Variants in SLC7A9 observed in about 807,000 individuals in gnomAD.
The protein encoded by SLC7A9 is B(0,+)-type amino acid transporter 1.
In SLC7A9, 38 loss-of-function variants were observed where a neutral mutation model predicts 54.1. The observed-to-expected ratio is 0.70, with a 90% CI of 0.54 to 0.92. SLC7A9 has a LOEUF of 0.92. Among genes scored for constraint, SLC7A9 ranks in the 40% least tolerant of loss-of-function variants. The pLI is 0.00. For missense variants in SLC7A9, 537 were observed against 636.1 expected (o/e 0.84, Z 1.68); for synonymous variants, 264 against 258.9 (o/e 1.02, Z -0.19).
intron 7 of SLC7A9, 120 bp from the exon 8 acceptor site, chr19:32,860,084 C>T (rs751704699): frequency 6.3e-7 from 1 of 1,582,676 alleles, no homozygotes; most frequent in Non-Finnish European, 8.6e-7. Flanking sequence ...CCAGCAGGAA[C>T]ATAAGACATT....
chr19:32,854,241 A>G (rs1478923717), intron 9 of SLC7A9, among the ~76,000 whole-genome samples: 1 of 151,822 alleles, frequency 6.6e-6, no homozygotes, highest in Admixed American at 6.6e-5. Context: ...TCTCTAACCC[A>G]TGGGCTCAAG....
rs1340353829 is a variant in SLC7A9 at position 32,842,200 on chromosome 19, A to G, written c.1192T>C (p.Phe398Leu). 1.2e-6 allele frequency: 2 copies of G among 1,614,136 alleles called. No homozygotes were observed. Among genetic ancestry groups the G allele is most frequent in the Non-Finnish European group, 1.7e-6 (2 of 1,180,030 alleles). ...GGCCTTTCCAGCTCTTTCCTTGTAA[A>G]TCTCATCACGATGAGTCCTAGAATC... Reference protein sequence around the residue: ...LTILGLIVMRFTRKELERPIK... With the variant: ...LTILGLIVMRLTRKELERPIK... The change falls in exon 11 of 13, where the codon TTT (phenylalanine) becomes CTT (leucine). Residue 398 changes from phenylalanine (F) to leucine (L), a missense_variant. Phe to Leu is a conservative substitution (Grantham distance 22, BLOSUM62 0). Coordinates refer to ENST00000023064, the MANE Select transcript of SLC7A9 (RefSeq NM_014270.5).
At chr19:32,849,306 A>C (rs1968394648) in intron 9 of SLC7A9, among the ~76,000 whole-genome samples, 1 of 152,192 alleles carries the variant, frequency 6.6e-6, no homozygotes, top group Admixed American at 6.5e-5. Flanking sequence ...AGAAGAAAAG[A>C]GATAAGAATC....
chr19:32,852,436 G>C (rs1057271454), intron 9 of SLC7A9, among the ~76,000 whole-genome samples: 1 of 152,118 alleles, frequency 6.6e-6, no homozygotes, highest in Non-Finnish European at 1.5e-5. Flanking sequence ...TGAGGCTGCA[G>C]TGAGCCATGA....
chr19:32,844,894 A>G lies in SLC7A9; in HGVS notation c.978-943T>C, dbSNP rs540966608. Among the ~76,000 whole-genome samples, 50 of 127,586 alleles carry G rather than the reference A, an allele frequency of 3.9e-4. 1 individual carries two copies. The highest frequency in any genetic ancestry group is 1.5e-3 in the African/African-American group (50 of 33,422). The allele number at this position is 127,586 out of a possible 152,430, so 83.7% of individuals were successfully genotyped here. On this transcript the variant is annotated intron_variant, in intron 9 of 12. Coordinates refer to ENST00000023064, the MANE Select transcript of SLC7A9 (RefSeq NM_014270.5). ...AAAAAAAAAAAAAAAGCCAGATGTGATGGCTTACACCTGTAATCCCAGCAA... is the reference window on the plus strand; with the variant it reads ...AAAAAAAAAAAAAAAGCCAGATGTGGTGGCTTACACCTGTAATCCCAGCAA...
At position 32,845,980 on chromosome 19, in the gene SLC7A9, G is replaced by A. The variant is rs111279058; in HGVS notation, c.978-2029C>T. Among the ~76,000 whole-genome samples, 5 of 152,310 alleles carry A rather than the reference G, an allele frequency of 3.3e-5. 1 individual carries two copies. Among genetic ancestry groups the A allele is most frequent in the African/African-American group, 1.2e-4 (5 of 41,566 alleles). Reference sequence around the variant, plus strand: ...GATTGCACCACTGTACTCTAGCCTGGATGACAGAGTGAGACTCTGTCTCAA... The same window carrying A: ...GATTGCACCACTGTACTCTAGCCTGAATGACAGAGTGAGACTCTGTCTCAA... On this transcript the variant is annotated intron_variant, in intron 9 of 12. Coordinates refer to ENST00000023064, the MANE Select transcript of SLC7A9 (RefSeq NM_014270.5).
At chr19:32,849,204 T>G (rs1189118129) in intron 9 of SLC7A9, among the ~76,000 whole-genome samples, 153 of 151,002 alleles carry the variant, frequency 1.0e-3, no homozygotes, top group African/African-American at 2.7e-3. Flanking sequence ...CTGAAGGAAA[T>G]AGAGACACAA....
At position 32,868,549 on chromosome 19, in the gene SLC7A9, G is replaced by T; in HGVS notation, c.-15C>A. 6.2e-7 allele frequency: 1 copy of T among 1,608,140 alleles called. No homozygotes were observed. The highest frequency in any genetic ancestry group is 8.5e-7 in the Non-Finnish European group (1 of 1,174,560). ...GTATCCCCCATGTTTCCTCCTGCTG[G>T]TTCCAGGAGACTGCAAGGAGGGCGC... is the stretch of plus-strand genomic sequence containing the variant. On this transcript the variant is annotated 5_prime_UTR_variant, in exon 2 of 13. Coordinates refer to ENST00000023064, the MANE Select transcript of SLC7A9 (RefSeq NM_014270.5).
intron 9 of SLC7A9, among the ~76,000 whole-genome samples, chr19:32,845,446 G>A (rs1428111598): frequency 9.3e-5 from 14 of 151,280 alleles, no homozygotes; most frequent in Admixed American, 8.6e-4. Flanking sequence ...AGTGAGCCGA[G>A]ATCTCACCAT....
chr19:32,865,281 T>G (rs185834616), intron 2 of SLC7A9, among the ~76,000 whole-genome samples: 9 of 152,294 alleles, frequency 5.9e-5, no homozygotes, highest in Admixed American at 3.3e-4. Flanking sequence ...CTTTCTGTGG[T>G]GCCATTTTCT....
chr19:32,831,410 C>G (rs1226345275), intron 12 of SLC7A9: 1 of 152,188 alleles, frequency 6.6e-6, no homozygotes, highest in African/African-American at 2.4e-5. Context: ...CCTCAGCCTC[C>G]TGAGTAGCTG....
At chr19:32,849,711 T>G (rs559180792) in intron 9 of SLC7A9, among the ~76,000 whole-genome samples, 5 of 147,398 alleles carry the variant, frequency 3.4e-5, no homozygotes, top group East Asian at 2.0e-4. Flanking sequence ...TACCAAAGCC[T>G]GGCAGAGACA....
At chr19:32,867,359 G>C (rs914347339) in intron 2 of SLC7A9, among the ~76,000 whole-genome samples, 3 of 151,964 alleles carry the variant, frequency 2.0e-5, no homozygotes, top group Admixed American at 2.0e-4. Context: ...TTTTTGAAAA[G>C]TTAAAAATTT....
At chr19:32,831,054 T>C (rs1371144528) in intron 12 of SLC7A9, among the ~76,000 whole-genome samples, 1 of 152,034 alleles carries the variant, frequency 6.6e-6, no homozygotes, top group East Asian at 1.9e-4. Flanking sequence ...GCCCAAGTCC[T>C]GTCCTCAAGG....
intron 11 of SLC7A9, among the ~76,000 whole-genome samples, chr19:32,840,045 ACCTT>A (rs1968086037): frequency 6.6e-6 from 1 of 151,926 alleles, no homozygotes; most frequent in Non-Finnish European, 1.5e-5. Flanking sequence ...TAGATTCCCC[ACCTT>A]CCCCACCCCT....
chr19:32,842,389 A>C (rs886243158), intron 10 of SLC7A9, 72 bp from the exon 11 acceptor site: 35 of 1,477,006 alleles, frequency 2.4e-5, no homozygotes, highest in East Asian at 4.5e-5. Flanking sequence ...AAGACCGAAG[A>C]AGCAGTTTTT....
chr19:32,832,368 C>A (rs1458236560), intron 12 of SLC7A9, among the ~76,000 whole-genome samples: 3 of 151,670 alleles, frequency 2.0e-5, no homozygotes, highest in Non-Finnish European at 2.9e-5. Context: ...GGGTGGATCA[C>A]CTAAGGTCAG....
In SLC7A9 at chr19:32,864,636, C is replaced by T. The variant is rs34310174; in HGVS notation, c.228G>A (p.Ala76=). 66 of 1,613,472 alleles carry T rather than the reference C, an allele frequency of 4.1e-5. No individual in the cohort carries two copies. Among genetic ancestry groups the T allele is most frequent in the Middle Eastern group, 1.6e-4 (1 of 6,066 alleles). The change falls in exon 3 of 13, where the codon GCG becomes GCA. Residue 76 remains alanine (A), a synonymous_variant. Transcript: ENST00000023064. ...GCTCCCAAGTCTCTTTACCCAGCGT[C>T]GCGAGGACCCCGCAAGCCGCCCATA... ...LIIWAACGVL[A]TLGALCFAEL... is the part of the protein sequence containing the mutation.
At chr19:32,845,037 G>A (rs7254549) in intron 9 of SLC7A9, among the ~76,000 whole-genome samples, 70,171 of 151,076 alleles carry the variant, frequency 0.46, 17,365 homozygotes, top group East Asian at 0.73. Flanking sequence ...GGTGGTGGGC[G>A]CCTGTACTCT....
Sources: gnomAD v4.1 joint callset for allele counts (sites outside exome capture counted in the v4.1 genomes callset) on GRCh38, gnomAD v4.1.1 for gene constraint, MANE v1.5 for transcripts, NCBI Gene and HGNC (gene_info 2026-07-23, HGNC 2026-07-21) for gene names.